The following SH2D4B variants were observed in gnomAD, a reference collection of about 807,000 sequenced individuals.
The protein encoded by SH2D4B is SH2 domain containing 4B, also known as SH2 domain-containing protein 4B.
A neutral mutation model predicts 61.5 loss-of-function variants in SH2D4B; 45 were observed. The ratio of observed to expected loss-of-function variants is 0.73; its 90% CI spans 0.58 to 0.94. The LOEUF is 0.94. Among genes scored for constraint, SH2D4B ranks in the 40% least tolerant of loss-of-function variants. SH2D4B has a pLI of 0.00. For synonymous variants in SH2D4B, 224 were observed against 220.4 expected, an observed-to-expected ratio of 1.02 and a Z score of -0.14; for missense variants, 572 against 574.2, an observed-to-expected ratio of 1.00 and a Z score of 0.04.
At chr10:80,603,533 G>A (rs762513478) in intron 4 of SH2D4B, 46 bp from the exon 5 acceptor site, 80 of 1,472,264 alleles carry the variant, frequency 5.4e-5, no homozygotes, top group African/African-American at 7.0e-5. Flanking sequence ...GCAGTGCACC[G>A]CCTGGGCTGC....
intron 3 of SH2D4B, among the ~76,000 whole-genome samples, chr10:80,585,895 AC>A (rs1842240122): frequency 6.6e-6 from 1 of 151,154 alleles, no homozygotes; most frequent in Non-Finnish European, 1.5e-5. Context: ...ACAAGCAGGA[AC>A]CGGGGCTGCA....
Position 80,588,701 on chromosome 10 carries a change from G to A in SH2D4B, c.567G>A (p.Glu189=), listed in dbSNP as rs749586776. 1 of 1,614,096 alleles carries A rather than the reference G, an allele frequency of 6.2e-7. No homozygotes were observed. Among genetic ancestry groups the A allele is most frequent in the South Asian group, 1.1e-5 (1 of 91,088 alleles). Residue 189 remains glutamate (E), a synonymous_variant, in exon 4 of 8, where the codon GAG becomes GAA. Transcript: ENST00000646907. The part of the protein sequence containing the change: ...IRLQEEQRAK[E]LYWTLKQAQL... ...TCCAGGAAGAGCAGAGGGCGAAGGA[G>A]CTCTACTGGACCCTGAAGCAGGCTC...
At chr10:80,597,591 G>A (rs908979446) in intron 4 of SH2D4B, among the ~76,000 whole-genome samples, 49 of 152,140 alleles carry the variant, frequency 3.2e-4, no homozygotes, top group African/African-American at 1.2e-3. Context: ...TCTTGAACCC[G>A]GGAGGTGGAG....
chr10:80,583,611 A>C (rs937125157), intron 3 of SH2D4B, among the ~76,000 whole-genome samples: 1 of 152,152 alleles, frequency 6.6e-6, no homozygotes, highest in Non-Finnish European at 1.5e-5. Flanking sequence ...TAGAGGTTAC[A>C]GTGAGCCAAA....
At chr10:80,605,980 A>G (rs1176911034) in intron 5 of SH2D4B, among the ~76,000 whole-genome samples, 1 of 152,088 alleles carries the variant, frequency 6.6e-6, no homozygotes, top group Non-Finnish European at 1.5e-5. Context: ...CCAATAGGGG[A>G]GCAGTGGCCT....
chr10:80,544,071 A>G (rs548375840), intron 1 of SH2D4B, among the ~76,000 whole-genome samples: 2 of 152,066 alleles, frequency 1.3e-5, no homozygotes, highest in Admixed American at 1.3e-4. Flanking sequence ...CCCCTTCCAC[A>G]CTGTGGAAGC....
chr10:80,631,612 A>C (rs544352578), intron 6 of SH2D4B, among the ~76,000 whole-genome samples: 2 of 152,378 alleles, frequency 1.3e-5, no homozygotes, highest in East Asian at 3.9e-4. Context: ...ACAATGGAAT[A>C]GTATTTGGCC....
rs575912771 is a variant in SH2D4B, at chr10:80,644,833, G to T, written c.*748G>T. On this transcript the variant is annotated 3_prime_UTR_variant, in exon 8 of 8. Transcript: ENST00000646907. The stretch of plus-strand genomic sequence containing the variant: ...TGGGGTGAGTTATCAATGCAAGAAT[G>T]GTTCTTAGAAATCTGATGAGGCCTC... The T allele has an allele frequency of 6.6e-5, 10 of 152,348 alleles. No individual in the cohort carries two copies. Among genetic ancestry groups the T allele is most frequent in the Non-Finnish European group, 1.5e-4 (10 of 68,052 alleles). 9.4% of individuals were successfully genotyped at this position (152,348 alleles called of 1,614,324 possible).
chr10:80,568,340 T>A (rs938841772), intron 1 of SH2D4B, among the ~76,000 whole-genome samples: 2 of 152,100 alleles, frequency 1.3e-5, no homozygotes, highest in East Asian at 3.9e-4. Context: ...CAAGGGACAG[T>A]GGGCAGAGGT....
intron 1 of SH2D4B, among the ~76,000 whole-genome samples, chr10:80,562,028 TAC>T (rs150356380): frequency 0.049 from 7,040 of 144,100 alleles, 282 homozygotes; most frequent in African/African-American, 0.11. Context: ...CTCTTCCAAT[TAC>T]ACACACACAC....
intron 1 of SH2D4B, among the ~76,000 whole-genome samples, chr10:80,565,456 T>G (rs1841953727): frequency 6.6e-6 from 1 of 151,708 alleles, no homozygotes; most frequent in African/African-American, 2.4e-5. Context: ...AGTGCAGTGG[T>G]GTAATCATAG....
Position 80,645,220 on chromosome 10 carries a change from A to G in SH2D4B, c.*1135A>G, listed in dbSNP as rs1051213194. 1 of 152,210 alleles carries G rather than the reference A, an allele frequency of 6.6e-6. No homozygotes were observed. Among genetic ancestry groups the G allele is most frequent in the African/African-American group, 2.4e-5 (1 of 41,454 alleles). 9.4% of individuals were successfully genotyped at this position (152,210 alleles called of 1,614,324 possible). A position where few individuals can be genotyped will look rare whatever the true frequency, so the allele number is the denominator to read the frequency against. On this transcript the variant is annotated 3_prime_UTR_variant, in exon 8 of 8. Transcript: ENST00000646907. ...TTCTAGGAATGTTAGGGAACGATTT[A>G]CTTTACCCGATGGCTGTATCAAACA...
chr10:80,577,690 C>T (rs950384403), intron 3 of SH2D4B, among the ~76,000 whole-genome samples: 8 of 151,172 alleles, frequency 5.3e-5, no homozygotes, highest in Admixed American at 3.9e-4. Flanking sequence ...CCTCCCAAAG[C>T]GCCGGGATTA....
intron 1 of SH2D4B, among the ~76,000 whole-genome samples, chr10:80,543,672 G>A (rs1023386033): frequency 1.3e-5 from 2 of 152,222 alleles, no homozygotes; most frequent in African/African-American, 4.8e-5. Flanking sequence ...AGCCAGCTGG[G>A]CTCCTGAGTC....
chr10:80,605,775 T>A (rs1390191671), intron 5 of SH2D4B, among the ~76,000 whole-genome samples: 1 of 152,222 alleles, frequency 6.6e-6, no homozygotes, highest in South Asian at 2.1e-4. Flanking sequence ...TGCCTTGGCC[T>A]CCCAAAGTCC....
intron 3 of SH2D4B, among the ~76,000 whole-genome samples, chr10:80,585,297 A>T (rs1365098673): frequency 6.7e-6 from 1 of 150,228 alleles, no homozygotes. Context: ...ATGAAAGTAC[A>T]CCTAAGGATG....
At chr10:80,605,030 T>C (rs941147269) in intron 5 of SH2D4B, among the ~76,000 whole-genome samples, 3 of 152,198 alleles carry the variant, frequency 2.0e-5, no homozygotes, top group Non-Finnish European at 4.4e-5. Flanking sequence ...CCTGACCTTG[T>C]GATCTGCCCA....
chr10:80,626,602 A>G (rs1284082354), intron 6 of SH2D4B, among the ~76,000 whole-genome samples: 1 of 152,186 alleles, frequency 6.6e-6, no homozygotes, highest in Non-Finnish European at 1.5e-5. Flanking sequence ...TTAGATTTAT[A>G]TAAATGCCCC....
rs750232152 is a variant in SH2D4B at position 80,570,143 on chromosome 10, C to T, written c.185-11C>T. ...TCAAACTTGTTTCTTCTTCCTTCTT[C>T]TATTGTGAAGCAGCGAGTGACAAGC... is the stretch of plus-strand genomic sequence containing the variant. On this transcript the variant is annotated splice_polypyrimidine_tract_variant and intron_variant, in intron 1 of 7. Coordinates refer to ENST00000646907, the MANE Select transcript of SH2D4B (RefSeq NM_001388272.1). The T allele has an allele frequency of 1.8e-5, 29 of 1,613,856 alleles. No individual in the cohort carries two copies. The highest frequency in any genetic ancestry group is 1.6e-4 in the Middle Eastern group (1 of 6,084).
Sources: allele counts gnomAD v4.1 joint callset (sites outside exome capture counted in the v4.1 genomes callset), GRCh38; gene constraint gnomAD v4.1.1; transcripts MANE v1.5; gene names NCBI Gene and HGNC (gene_info 2026-07-23, HGNC 2026-07-21).